The following CTNNA3 variants were observed in gnomAD, a reference collection of about 807,000 sequenced individuals.
CTNNA3 encodes the protein catenin alpha 3, also known as catenin alpha-3.
CTNNA3 carries 76 observed loss-of-function variants against 95.7 expected under a neutral mutation model. That is an observed-to-expected ratio of 0.79 (90% CI 0.66 to 0.96). The LOEUF is 0.96. CTNNA3 is among the 40% of genes least tolerant of loss of function. The pLI, the probability that CTNNA3 is intolerant of heterozygous loss-of-function variation, is 0.00. For synonymous variants in CTNNA3, 431 were observed against 374.4 expected (o/e 1.15, Z -1.74); for missense variants, 1,191 against 1,089.8 (o/e 1.09, Z -1.31).
intron 7 of CTNNA3, among the ~76,000 whole-genome samples, chr10:66,871,964 T>C (rs1251622969): frequency 1.3e-5 from 2 of 152,238 alleles, no homozygotes; most frequent in African/African-American, 4.8e-5. Flanking sequence ...TATAGTATTA[T>C]CTATATTAGC....
intron 8 of CTNNA3, among the ~76,000 whole-genome samples, chr10:66,774,380 C>T (rs979129832): frequency 6.6e-6 from 1 of 152,210 alleles, no homozygotes; most frequent in African/African-American, 2.4e-5. Context: ...CCTCACCACA[C>T]TGACCTGCTT....
At chr10:66,778,400 G>A (rs755541698) in intron 7 of CTNNA3, among the ~76,000 whole-genome samples, 4 of 152,130 alleles carry the variant, frequency 2.6e-5, no homozygotes, top group Non-Finnish European at 5.9e-5. Context: ...GGTGAATTCT[G>A]TGTTCTGAGA....
intron 11 of CTNNA3, among the ~76,000 whole-genome samples, chr10:66,402,083 A>G (rs953800162): frequency 6.6e-6 from 1 of 152,218 alleles, no homozygotes; most frequent in African/African-American, 2.4e-5. Flanking sequence ...TTCATCTCAC[A>G]TGAATGTGAA....
At chr10:67,632,625 T>C (rs548297979) in intron 2 of CTNNA3, among the ~76,000 whole-genome samples, 17 of 152,206 alleles carry the variant, frequency 1.1e-4, no homozygotes, top group African/African-American at 4.1e-4. Context: ...CAGTAAGTGA[T>C]TGTGAGACCC....
At chr10:66,905,707 C>T (rs1486964948) in intron 7 of CTNNA3, among the ~76,000 whole-genome samples, 1 of 152,076 alleles carries the variant, frequency 6.6e-6, no homozygotes, top group Non-Finnish European at 1.5e-5. Context: ...GGAAATTTTG[C>T]TACATGCATT....
intron 7 of CTNNA3, among the ~76,000 whole-genome samples, chr10:66,888,585 A>T (rs1845139696): frequency 1.3e-5 from 2 of 151,988 alleles, no homozygotes; most frequent in South Asian, 2.1e-4. Flanking sequence ...AATAACAAAT[A>T]TTAAGGAGGA....
At chr10:66,858,321 T>C (rs1026599866) in intron 7 of CTNNA3, among the ~76,000 whole-genome samples, 8 of 152,070 alleles carry the variant, frequency 5.3e-5, no homozygotes, top group Non-Finnish European at 1.0e-4. Flanking sequence ...TTGTTGAAGA[T>C]TTTTGCATCT....
At chr10:66,283,685 C>G (rs1221158226) in intron 12 of CTNNA3, among the ~76,000 whole-genome samples, 1 of 151,862 alleles carries the variant, frequency 6.6e-6, no homozygotes, top group African/African-American at 2.4e-5. Flanking sequence ...GAAACTACTA[C>G]TTTCTCACTC....
chr10:66,266,085 G>A lies in CTNNA3; in HGVS notation c.1884+14385C>T, dbSNP rs926832864. Among the ~76,000 whole-genome samples, 11 of 149,520 alleles carry A rather than the reference G, an allele frequency of 7.4e-5. No individual in the cohort carries two copies. The East Asian group carries it at 2.2e-3, about 30-fold the overall frequency. ...AAAGAAGGGAAAAGAGAGAGAGGAA[G>A]GGGGGGAGAGAAAGAGAGGGAGGAA... On this transcript the variant is annotated intron_variant, in intron 13 of 17. Coordinates refer to ENST00000433211, the MANE Select transcript of CTNNA3 (RefSeq NM_013266.4).
intron 7 of CTNNA3, among the ~76,000 whole-genome samples, chr10:67,173,117 T>A (rs948352067): frequency 6.6e-6 from 1 of 152,220 alleles, no homozygotes; most frequent in Non-Finnish European, 1.5e-5. Context: ...AGGATAATAT[T>A]TCATTGTTCA....
chr10:66,530,035 C>A (rs72793651), intron 10 of CTNNA3, among the ~76,000 whole-genome samples: 126 of 152,234 alleles, frequency 8.3e-4, no homozygotes, highest in Non-Finnish European at 1.3e-3. Context: ...ATATACTTCT[C>A]TTGAAAGATT....
intron 13 of CTNNA3, among the ~76,000 whole-genome samples, chr10:66,107,609 G>T (rs1383405572): frequency 1.3e-5 from 2 of 152,042 alleles, no homozygotes; most frequent in Non-Finnish European, 2.9e-5. Context: ...AGACTTCAGG[G>T]TCACAATACA....
intron 5 of CTNNA3, among the ~76,000 whole-genome samples, chr10:67,517,125 G>C (rs1053589816): frequency 6.6e-6 from 1 of 152,120 alleles, no homozygotes; most frequent in African/African-American, 2.4e-5. Context: ...CCAAAAGTAA[G>C]ATTGATAGGT....
At chr10:67,668,296 A>C (rs1332849679) in intron 1 of CTNNA3, among the ~76,000 whole-genome samples, 1 of 152,144 alleles carries the variant, frequency 6.6e-6, no homozygotes, top group Non-Finnish European at 1.5e-5. Context: ...GCCTCCATAC[A>C]CTATATGCTG....
intron 5 of CTNNA3, among the ~76,000 whole-genome samples, chr10:67,335,760 C>T (rs58808839): frequency 0.041 from 6,224 of 152,244 alleles, 185 homozygotes; most frequent in South Asian, 0.1. Flanking sequence ...AGTTTTATTA[C>T]ATATCATTTT....
intron 5 of CTNNA3, among the ~76,000 whole-genome samples, chr10:67,465,266 C>T (rs1475767277): frequency 6.6e-6 from 1 of 152,020 alleles, no homozygotes; most frequent in Non-Finnish European, 1.5e-5. Context: ...TCTCATTCTC[C>T]AGTCTAACAA....
In CTNNA3 at chr10:66,960,046, C is replaced by G. The variant is rs80255606; in HGVS notation, c.1048-184522G>C. The stretch of plus-strand genomic sequence containing the variant: ...TCTTCAAGCCAGGTATGTAAGTTTC[C>G]CATGTTGACCCTCATAGCTATTTGA... On this transcript the variant is annotated intron_variant, in intron 7 of 17. Coordinates refer to ENST00000433211, the MANE Select transcript of CTNNA3 (RefSeq NM_013266.4). Among the ~76,000 whole-genome samples the G allele has an allele frequency of 8.1e-3, 1,237 of 152,032 alleles. 21 individuals are homozygous for G. Among genetic ancestry groups the G allele is most frequent in the African/African-American group, 0.028 (1,169 of 41,500 alleles).
chr10:67,380,339 G>T (rs1843892601), intron 5 of CTNNA3, among the ~76,000 whole-genome samples: 1 of 152,166 alleles, frequency 6.6e-6, no homozygotes, highest in South Asian at 2.1e-4. Flanking sequence ...AAATGGGAAT[G>T]AAAATTCAAG....
At chr10:67,581,372 T>C (rs1232775068) in intron 3 of CTNNA3, among the ~76,000 whole-genome samples, 1 of 152,160 alleles carries the variant, frequency 6.6e-6, no homozygotes, top group African/African-American at 2.4e-5. Flanking sequence ...TATTGATTTG[T>C]GTATGTTGAA....
Sources: allele counts gnomAD v4.1 joint callset (sites outside exome capture counted in the v4.1 genomes callset), GRCh38; gene constraint gnomAD v4.1.1; transcripts MANE v1.5; gene names NCBI Gene and HGNC (gene_info 2026-07-23, HGNC 2026-07-21).